The following HERC6 variants were observed in gnomAD, a reference collection of about 807,000 sequenced individuals.
HERC6 encodes the protein probable E3 ubiquitin-protein ligase HERC6.
HERC6 carries 101 observed loss-of-function variants against 114.5 expected under a neutral mutation model. That is an observed-to-expected ratio of 0.88 (90% CI 0.75 to 1.04). The LOEUF (loss-of-function observed/expected upper bound fraction) is 1.04, where lower values mean the gene tolerates loss of function less well. Among genes scored for constraint, HERC6 ranks in the 50% least tolerant of loss-of-function variants. HERC6 has a pLI of 0.00. For missense variants in HERC6, 1,133 were observed against 1,230.9 expected, an observed-to-expected ratio of 0.92 and a Z score of 1.19; for synonymous variants, 408 against 436.2, an observed-to-expected ratio of 0.94 and a Z score of 0.81.
At chr4:88,433,043 G>A (rs1031495284) in intron 17 of HERC6, among the ~76,000 whole-genome samples, 6 of 151,974 alleles carry the variant, frequency 3.9e-5, no homozygotes, top group Admixed American at 2.0e-4. Context: ...AGCCAAGATC[G>A]CACCACTGCC....
At chr4:88,436,113 T>G (rs1436662329) in intron 18 of HERC6, among the ~76,000 whole-genome samples, 2 of 152,190 alleles carry the variant, frequency 1.3e-5, no homozygotes, top group East Asian at 3.8e-4. Context: ...AAACAGGAGT[T>G]CTGGCCTGGT....
chr4:88,410,731 G>A (rs556674259), intron 11 of HERC6, among the ~76,000 whole-genome samples: 4 of 152,142 alleles, frequency 2.6e-5, no homozygotes, highest in African/African-American at 4.8e-5. Context: ...AGATGAAGAG[G>A]CTCCCTGAAC....
chr4:88,413,139 A>G lies in HERC6; in HGVS notation c.1431A>G (p.Glu477=), dbSNP rs1736224474. The G allele has an allele frequency of 1.2e-6, 2 of 1,613,574 alleles. No homozygotes were observed. Among genetic ancestry groups the G allele is most frequent in the Non-Finnish European group, 1.7e-6 (2 of 1,179,598 alleles). The change falls in exon 12 of 23, where the codon GAA becomes GAG. Residue 477 remains glutamate, a synonymous_variant. Transcript: ENST00000264346. ...RALPCHSPHQ[E]ALSVFLLLPE... ...TTCCATGCCATTCTCCACACCAAGA[A>G]GCTTTATCAGTTTTCCTCCTGCTCC...
chr4:88,404,387 C>T (rs992814979), intron 8 of HERC6, among the ~76,000 whole-genome samples: 1 of 151,890 alleles, frequency 6.6e-6, no homozygotes, highest in Non-Finnish European at 1.5e-5. Flanking sequence ...CAAGGTTTCA[C>T]CATGTTGACC....
chr4:88,389,354 T>C (rs1261857778), intron 3 of HERC6, among the ~76,000 whole-genome samples: 2 of 152,134 alleles, frequency 1.3e-5, no homozygotes, highest in Admixed American at 6.5e-5. Context: ...AAAGGATCAC[T>C]CTGGCTATTC....
intron 8 of HERC6, among the ~76,000 whole-genome samples, chr4:88,401,490 C>CA (rs934279048): frequency 0.018 from 986 of 55,898 alleles, 4 homozygotes; most frequent in East Asian, 0.029. Flanking sequence ...GACTCCATCT[C>CA]AAAAAAAAAA....
chr4:88,414,524 TAGA>T (rs1296321909), intron 12 of HERC6, among the ~76,000 whole-genome samples: 1 of 152,088 alleles, frequency 6.6e-6, no homozygotes, highest in Non-Finnish European at 1.5e-5. Context: ...ACTAAGAAAG[TAGA>T]AGAATAAAAA....
intron 15 of HERC6, among the ~76,000 whole-genome samples, chr4:88,426,172 A>G (rs906713306): frequency 2.0e-5 from 3 of 151,982 alleles, no homozygotes; most frequent in Middle Eastern, 3.2e-3. Flanking sequence ...AGTTCCTATT[A>G]TTATTATTAT....
intron 2 of HERC6, 81 bp from the exon 3 acceptor site, chr4:88,385,418 A>T: frequency 1.5e-6 from 1 of 688,098 alleles, no homozygotes; most frequent in Non-Finnish European, 2.5e-6. Flanking sequence ...GTATTATTTG[A>T]GATACTTTTA....
chr4:88,394,553 A>ATTT (rs1378087840), intron 5 of HERC6, among the ~76,000 whole-genome samples: 4 of 147,740 alleles, frequency 2.7e-5, no homozygotes, highest in Non-Finnish European at 4.5e-5. Context: ...TATTATTATT[A>ATTT]TTATTTTTTG....
Position 88,437,128 on chromosome 4 carries a change from T to C in HERC6, c.2484+157T>C, listed in dbSNP as rs140698492. On this transcript the variant is annotated intron_variant, in intron 19 of 22. Coordinates refer to ENST00000264346, the MANE Select transcript of HERC6 (RefSeq NM_017912.4). ...TTGGAGTACAATGGCGCGATCTCGG[T>C]TCACTGCAGCCTCCGCCTCCTGGGT... Among the ~76,000 whole-genome samples, 1,183 of 151,904 alleles carry C rather than the reference T, an allele frequency of 7.8e-3. 15 individuals are homozygous for C. Among genetic ancestry groups the C allele is most frequent in the African/African-American group, 0.026 (1,092 of 41,448 alleles).
chr4:88,415,614 T>C (rs1736408957), intron 12 of HERC6, among the ~76,000 whole-genome samples: 1 of 152,230 alleles, frequency 6.6e-6, no homozygotes, highest in South Asian at 2.1e-4. Flanking sequence ...TATCAAACTT[T>C]GATCTTTGCC....
chr4:88,381,224 G>C (rs1044967761), intron 1 of HERC6, among the ~76,000 whole-genome samples: 6 of 152,016 alleles, frequency 3.9e-5, no homozygotes, highest in Admixed American at 1.3e-4. Context: ...TACCCTCTTA[G>C]GTTCAGCGGC....
At chr4:88,408,084 A>G (rs1320109187) in intron 10 of HERC6, among the ~76,000 whole-genome samples, 7 of 152,262 alleles carry the variant, frequency 4.6e-5, no homozygotes, top group Non-Finnish European at 1.0e-4. Context: ...AGTTCCCATG[A>G]TGAACAATTT....
chr4:88,441,950 T>C (rs1196313077), intron 22 of HERC6, among the ~76,000 whole-genome samples: 2 of 152,226 alleles, frequency 1.3e-5, no homozygotes, highest in African/African-American at 4.8e-5. Context: ...CTCTCCCTGC[T>C]GAATCCTTTA....
At chr4:88,429,251 C>T (rs1737948254) in intron 16 of HERC6, among the ~76,000 whole-genome samples, 1 of 152,118 alleles carries the variant, frequency 6.6e-6, no homozygotes, top group African/African-American at 2.4e-5. Context: ...GATAGCAAGA[C>T]CAAACATTGC....
chr4:88,420,620 A>G (rs971389214), intron 13 of HERC6, among the ~76,000 whole-genome samples: 3 of 152,174 alleles, frequency 2.0e-5, no homozygotes, highest in Admixed American at 6.6e-5. Context: ...TATCTTTTTA[A>G]AACAGCTTTA....
Position 88,398,152 on chromosome 4 carries a change from T to A in HERC6, c.1035T>A (p.Asp345Glu). ...SCLISAEDFV[D>E]VQVKHIFAGT... is the part of the protein sequence containing the mutation. The stretch of plus-strand genomic sequence containing the variant: ...ATGACTTTCTTTTAGACTTCGTGGA[T>A]GTTCAAGTCAAACACATTTTTGCTG... Residue 345 changes from aspartate (D) to glutamate (E), a missense_variant, in exon 8 of 23, where the codon GAT becomes GAA. By Grantham distance (45) the Asp-to-Glu change is conservative. Coordinates refer to ENST00000264346, the MANE Select transcript of HERC6 (RefSeq NM_017912.4). 6.3e-7 allele frequency: 1 copy of A among 1,593,296 alleles called. No individual in the cohort carries two copies. Among genetic ancestry groups the A allele is most frequent in the South Asian group, 1.1e-5 (1 of 86,964 alleles).
chr4:88,421,426 T>G (rs1247291845), intron 13 of HERC6, among the ~76,000 whole-genome samples: 1 of 151,626 alleles, frequency 6.6e-6, no homozygotes, highest in East Asian at 1.9e-4. Flanking sequence ...TTCTAGTTTT[T>G]CCACGTTCTT....
Sources: allele counts gnomAD v4.1 joint callset (sites outside exome capture counted in the v4.1 genomes callset), GRCh38; gene constraint gnomAD v4.1.1; transcripts MANE v1.5; gene names NCBI Gene and HGNC (gene_info 2026-07-23, HGNC 2026-07-21).